Variants in HDAC8 observed in about 807,000 individuals in gnomAD.
HDAC8 encodes histone deacetylase-like 1.
In HDAC8, 1 loss-of-function variant was observed where a neutral mutation model predicts 32.2. The observed-to-expected ratio is 0.03, with a 90% CI of 0.01 to 0.15. HDAC8 has a LOEUF of 0.15. Among genes scored for constraint, HDAC8 ranks in the 10% least tolerant of loss-of-function variants. HDAC8 has a pLI of 1.00. For missense variants in HDAC8, 117 were observed against 300.0 expected, an observed-to-expected ratio of 0.39 and a Z score of 4.51; for synonymous variants, 108 against 113.9, an observed-to-expected ratio of 0.95 and a Z score of 0.33.
chrX:72,345,379 G>T (rs2043998412), intron 10 of HDAC8, among the ~76,000 whole-genome samples: 1 of 111,106 alleles, frequency 9.0e-6, no homozygotes, highest in African/African-American at 3.3e-5. Flanking sequence ...ACCAGGTCTG[G>T]GTTCAAATCT....
intron 4 of HDAC8, among the ~76,000 whole-genome samples, chrX:72,526,982 G>T (rs1279572585): frequency 9.0e-6 from 1 of 111,297 alleles, no homozygotes; most frequent in Non-Finnish European, 1.9e-5. Flanking sequence ...TGCTGCCAGG[G>T]TTATTTTTGT....
chrX:72,354,974 C>T (rs1293615190), intron 9 of HDAC8, among the ~76,000 whole-genome samples: 7 of 112,053 alleles, frequency 6.2e-5, no homozygotes, highest in African/African-American at 2.3e-4. Context: ...CTCATCCACA[C>T]CCTGAAGGAT....
chrX:72,403,407 T>C (rs371886503), intron 9 of HDAC8, among the ~76,000 whole-genome samples: 1 of 112,453 alleles, frequency 8.9e-6, no homozygotes, highest in African/African-American at 3.2e-5. Context: ...ATAGACACTT[T>C]ACCTAGCTTC....
chrX:72,503,865 A>G (rs2049304038), intron 4 of HDAC8, among the ~76,000 whole-genome samples: 1 of 112,151 alleles, frequency 8.9e-6, no homozygotes, highest in South Asian at 3.7e-4. Context: ...CTAGCCTGGT[A>G]CCTGACTTAC....
intron 10 of HDAC8, among the ~76,000 whole-genome samples, chrX:72,336,942 G>A (rs1555942681): frequency 9.1e-6 from 1 of 110,485 alleles, no homozygotes; most frequent in East Asian, 2.8e-4. Flanking sequence ...TGGAGACAGG[G>A]TTTCACCATG....
intron 9 of HDAC8, among the ~76,000 whole-genome samples, chrX:72,386,616 G>T (rs1555961499): frequency 9.0e-6 from 1 of 111,608 alleles, no homozygotes; most frequent in Non-Finnish European, 1.9e-5. Context: ...AGCATTTCAT[G>T]TGGATCAATT....
At position 72,462,075 on chromosome X, in the gene HDAC8, C is replaced by A. The variant is rs1308004464; in HGVS notation, c.934G>T (p.Ala312Ser). The change falls in exon 9 of 11, where the codon GCT (alanine) becomes TCT (serine). Residue 312 changes from alanine (A) to serine (S), a missense_variant. Transcript: ENST00000373573. Reference protein sequence around the residue: ...GGGGYNLANTARCWTYLTGVI... With the variant: ...GGGGYNLANTSRCWTYLTGVI... Reference sequence around the variant, plus strand: ...CCGGTCAAGTATGTCCAGCATCGAGCCGTGTTGGCAAGGTTATAGCCTCCT... The same window carrying A: ...CCGGTCAAGTATGTCCAGCATCGAGACGTGTTGGCAAGGTTATAGCCTCCT... 8.3e-7 allele frequency: 1 copy of A among 1,206,038 alleles called. No individual in the cohort carries two copies. The highest frequency in any genetic ancestry group is 1.8e-5 in the African/African-American group (1 of 56,885).
chrX:72,441,694 T>G (rs1253880484), intron 9 of HDAC8, among the ~76,000 whole-genome samples: 2 of 112,228 alleles, frequency 1.8e-5, no homozygotes, highest in African/African-American at 3.2e-5. Flanking sequence ...AGAATGACTT[T>G]GAAGAGTTGA....
chrX:72,452,825 C>T (rs1298822968), intron 9 of HDAC8, among the ~76,000 whole-genome samples: 1 of 111,126 alleles, frequency 9.0e-6, no homozygotes, highest in Non-Finnish European at 1.9e-5. Flanking sequence ...CAAATGTGAC[C>T]TATAATCTGA....
At chrX:72,409,890 G>T (rs916625836) in intron 9 of HDAC8, among the ~76,000 whole-genome samples, 9 of 112,520 alleles carry the variant, frequency 8.0e-5, no homozygotes, top group Admixed American at 1.9e-4. Context: ...TTCATCCCCA[G>T]TGGCTAGTAC....
At chrX:72,382,947 C>G (rs1928964487) in intron 9 of HDAC8, among the ~76,000 whole-genome samples, 1 of 111,951 alleles carries the variant, frequency 8.9e-6, no homozygotes, top group South Asian at 3.7e-4. Context: ...ATTTTTCCCT[C>G]TCCCCCTAAA....
intron 10 of HDAC8, among the ~76,000 whole-genome samples, chrX:72,349,323 C>A (rs1490237236): frequency 8.9e-6 from 1 of 112,326 alleles, no homozygotes; most frequent in Non-Finnish European, 1.9e-5. Context: ...TTGTCTAGAG[C>A]CCTTTAAAAT....
chrX:72,489,774 C>A (rs2148126949), intron 6 of HDAC8, among the ~76,000 whole-genome samples: 1 of 111,111 alleles, frequency 9.0e-6, no homozygotes, highest in South Asian at 3.9e-4. Context: ...AACTAAAGAG[C>A]TTCTGTACAG....
At chrX:72,486,226 A>G (rs2048672661) in intron 7 of HDAC8, among the ~76,000 whole-genome samples, 1 of 112,861 alleles carries the variant, frequency 8.9e-6, no homozygotes, top group Admixed American at 9.3e-5. Context: ...TGAGGTAGGC[A>G]GAAGGGTCAG....
intron 10 of HDAC8, among the ~76,000 whole-genome samples, chrX:72,350,689 T>A (rs1288429955): frequency 2.7e-5 from 3 of 112,213 alleles, no homozygotes; most frequent in African/African-American, 9.7e-5. Context: ...AAATACGTAA[T>A]GCGAATGGTG....
intron 9 of HDAC8, among the ~76,000 whole-genome samples, chrX:72,433,232 G>T (rs1555978031): frequency 9.0e-6 from 1 of 111,306 alleles, no homozygotes; most frequent in African/African-American, 3.3e-5. Flanking sequence ...CTGGAGAGGG[G>T]AAGTAGGGAG....
chrX:72,535,691 T>C (rs1412540964), intron 4 of HDAC8, among the ~76,000 whole-genome samples: 4 of 112,119 alleles, frequency 3.6e-5, no homozygotes, highest in Non-Finnish European at 7.5e-5. Flanking sequence ...AATATATTCC[T>C]GAAAAGTCAT....
At chrX:72,532,241 T>C (rs1192570955) in intron 4 of HDAC8, among the ~76,000 whole-genome samples, 1 of 94,857 alleles carries the variant, frequency 1.1e-5, no homozygotes, top group African/African-American at 3.7e-5. Flanking sequence ...TGCACCACCG[T>C]GTTGGGCATT....
chrX:72,423,895 G>A (rs2147932619), intron 9 of HDAC8, among the ~76,000 whole-genome samples: 1 of 111,717 alleles, frequency 9.0e-6, no homozygotes, highest in African/African-American at 3.2e-5. Context: ...TCCTTTCACT[G>A]TCATCCTGAG....
Sources: allele counts gnomAD v4.1 joint callset (sites outside exome capture counted in the v4.1 genomes callset), GRCh38; gene constraint gnomAD v4.1.1; transcripts MANE v1.5; gene names NCBI Gene and HGNC (gene_info 2026-07-23, HGNC 2026-07-21).